FAM149B1: variants seen among roughly 807,000 people sequenced by gnomAD.
FAM149B1 encodes family with sequence similarity 149 member B1, also known as primary cilium assembly protein FAM149B1.
FAM149B1 carries 56 observed loss-of-function variants against 75.3 expected under a neutral mutation model. That is an observed-to-expected ratio of 0.74 (90% CI 0.60 to 0.93). The LOEUF (loss-of-function observed/expected upper bound fraction) is 0.93. Ranked by LOEUF, FAM149B1 falls within the 40% of genes least tolerant of loss-of-function variation. The pLI, the probability that FAM149B1 is intolerant of heterozygous loss-of-function variation, is 0.00. For missense variants in FAM149B1, 639 were observed against 708.4 expected (o/e 0.90, Z 1.11); for synonymous variants, 259 against 256.1 (o/e 1.01, Z -0.11).
At chr10:73,199,378 C>T (rs999851705) in intron 5 of FAM149B1, among the ~76,000 whole-genome samples, 7 of 152,028 alleles carry the variant, frequency 4.6e-5, no homozygotes, top group East Asian at 3.9e-4. Flanking sequence ...CCACCACGCC[C>T]GGCTAATTTT....
chr10:73,184,471 A>G (rs12243661), intron 3 of FAM149B1, among the ~76,000 whole-genome samples: 15,498 of 152,144 alleles, frequency 0.1, 1,158 homozygotes, highest in East Asian at 0.3. Context: ...ACTATCAACC[A>G]ACCTGACCTA....
At chr10:73,234,047 T>C (rs1332488895) in intron 10 of FAM149B1, 1 of 152,214 alleles carries the variant, frequency 6.6e-6, no homozygotes. Context: ...TAGGAGCCAA[T>C]TTTAAACATA....
intron 5 of FAM149B1, among the ~76,000 whole-genome samples, chr10:73,198,312 A>G (rs1364278828): frequency 1.3e-5 from 2 of 152,258 alleles, no homozygotes; most frequent in Non-Finnish European, 2.9e-5. Context: ...TTTCTTGGAT[A>G]TAACACTAAA....
At chr10:73,214,637 C>T (rs1589171351) in intron 7 of FAM149B1, among the ~76,000 whole-genome samples, 1 of 152,186 alleles carries the variant, frequency 6.6e-6, no homozygotes, top group African/African-American at 2.4e-5. Flanking sequence ...ATCCTTTCAA[C>T]TCTGGGATAA....
chr10:73,184,977 A>C (rs2042485302), intron 3 of FAM149B1, among the ~76,000 whole-genome samples: 1 of 152,192 alleles, frequency 6.6e-6, no homozygotes, highest in Non-Finnish European at 1.5e-5. Flanking sequence ...GAAGTCAGTA[A>C]ATTGACAAAT....
intron 13 of FAM149B1, among the ~76,000 whole-genome samples, chr10:73,240,697 G>A (rs1355740380): frequency 6.7e-6 from 1 of 149,710 alleles, no homozygotes; most frequent in Non-Finnish European, 1.5e-5. Context: ...TGGGGGGACA[G>A]AGTGAGACTC....
rs149781958 is a variant in FAM149B1 at position 73,197,421 on chromosome 10, G to C, written c.542+3828G>C. On this transcript the variant is annotated intron_variant, in intron 5 of 13. Coordinates refer to ENST00000242505, the MANE Select transcript of FAM149B1 (RefSeq NM_173348.2). Reference sequence around the variant, plus strand: ...TGCAAAAGAGACTGATTAGTGTCTAGGTCAAAATGAAATTCCTCAGCACTG... The same window carrying C: ...TGCAAAAGAGACTGATTAGTGTCTACGTCAAAATGAAATTCCTCAGCACTG... 8.0e-3 allele frequency among the ~76,000 whole-genome samples: 1,208 copies of C among 151,422 alleles called. 15 individuals are homozygous for C. Among genetic ancestry groups the C allele is most frequent in the African/African-American group, 0.028 (1,142 of 40,894 alleles).
chr10:73,231,809 A>AAAG (rs1161472579), intron 9 of FAM149B1, among the ~76,000 whole-genome samples: 2 of 152,146 alleles, frequency 1.3e-5, no homozygotes, highest in African/African-American at 4.8e-5. Context: ...GACCAATCTA[A>AAAG]AAGTCACCTG....
intron 7 of FAM149B1, among the ~76,000 whole-genome samples, chr10:73,226,072 G>T (rs560823036): frequency 1.3e-5 from 2 of 151,578 alleles, no homozygotes; most frequent in African/African-American, 4.9e-5. Flanking sequence ...GTGTAAAATG[G>T]TAAGTCATGT....
chr10:73,231,889 T>C (rs2043709370), intron 9 of FAM149B1, among the ~76,000 whole-genome samples: 1 of 149,332 alleles, frequency 6.7e-6, no homozygotes, highest in Non-Finnish European at 1.5e-5. Flanking sequence ...AGCTAAAGCC[T>C]AAACATTTTG....
chr10:73,193,564 A>C lies in FAM149B1; in HGVS notation c.513A>C (p.Thr171=). 6.4e-7 allele frequency: 1 copy of C among 1,551,206 alleles called. No individual in the cohort carries two copies. The highest frequency in any genetic ancestry group is 8.7e-7 in the Non-Finnish European group (1 of 1,146,758). The change falls in exon 5 of 14, where the codon ACA becomes ACC. Residue 171 remains threonine (T), a synonymous_variant. Coordinates refer to ENST00000242505, the MANE Select transcript of FAM149B1 (RefSeq NM_173348.2). ...CTGCTGTTTCCGCTTCATATGAAAC[A>C]ACCTTGTCTCAAGAAAGAGATTCTA... ...SPSAVSASYE[T]TLSQERDSTI...
At chr10:73,178,388 G>C (rs141487614) in intron 3 of FAM149B1, among the ~76,000 whole-genome samples, 7,358 of 152,176 alleles carry the variant, frequency 0.048, 553 homozygotes, top group African/African-American at 0.16. Flanking sequence ...CTACTCCAGA[G>C]GCTGAGGCAG....
rs375135630 is a variant in FAM149B1 at position 73,235,267 on chromosome 10, G to A, written c.1551G>A (p.Arg517=). 172 of 1,551,954 alleles carry A rather than the reference G, an allele frequency of 1.1e-4. No homozygotes were observed. The highest frequency in any genetic ancestry group is 1.5e-4 in the Non-Finnish European group (167 of 1,147,078). Residue 517 remains arginine, a synonymous_variant, in exon 12 of 14, where the codon AGG becomes AGA. Transcript: ENST00000242505. ...CTAACTATCAGCAGCCACAAGAAAG[G>A]CTCCTTTTGCCCGACTTTTTCCCCA... The part of the protein sequence containing the change: ...DEPNYQQPQE[R]LLLPDFFPRP...
At chr10:73,236,013 G>A (rs577734397) in intron 12 of FAM149B1, among the ~76,000 whole-genome samples, 6 of 152,296 alleles carry the variant, frequency 3.9e-5, no homozygotes, top group African/African-American at 1.2e-4. Context: ...AAGAGCACTT[G>A]GAGAGCCTGG....
At chr10:73,212,884 C>T (rs1325122143) in intron 7 of FAM149B1, among the ~76,000 whole-genome samples, 3 of 137,130 alleles carry the variant, frequency 2.2e-5, no homozygotes, top group Non-Finnish European at 4.7e-5. Context: ...TCTCTGTCAC[C>T]CAGGCTGGAG....
At chr10:73,187,960 G>A (rs2042572594) in intron 3 of FAM149B1, among the ~76,000 whole-genome samples, 1 of 151,934 alleles carries the variant, frequency 6.6e-6, no homozygotes, top group African/African-American at 2.4e-5. Flanking sequence ...GTGCAGGCCT[G>A]TAGTCCCAGC....
intron 8 of FAM149B1, among the ~76,000 whole-genome samples, chr10:73,229,518 T>G (rs2043634662): frequency 6.6e-6 from 1 of 152,176 alleles, no homozygotes. Flanking sequence ...GAGGTAGCAG[T>G]GGGCTGAGAT....
intron 7 of FAM149B1, among the ~76,000 whole-genome samples, chr10:73,224,960 G>T (rs541141524): frequency 6.6e-6 from 1 of 152,240 alleles, no homozygotes; most frequent in East Asian, 1.9e-4. Context: ...ATATATGATG[G>T]TCTCATAAGA....
rs1000896327 is a variant in FAM149B1, at chr10:73,235,037, G to C, written c.1476+97G>C. The C allele has an allele frequency of 7.4e-6, 11 of 1,493,310 alleles. No individual in the cohort carries two copies. In the Admixed American group the frequency reaches 1.2e-4, roughly 17 times the overall value. The allele number at this position is 1,493,310 out of a possible 1,614,324, so 92.5% of individuals were successfully genotyped here. On this transcript the variant is annotated intron_variant, in intron 11 of 13. Transcript: ENST00000242505. ...GTGCCCTGATCTTGATTTATACTGT[G>C]TTTTGTCAAAAGTACAAACACAGTG...
Sources: gnomAD v4.1 joint callset for allele counts (sites outside exome capture counted in the v4.1 genomes callset) on GRCh38, gnomAD v4.1.1 for gene constraint, MANE v1.5 for transcripts, NCBI Gene and HGNC (gene_info 2026-07-23, HGNC 2026-07-21) for gene names.